The following SERPINI1 variants were observed in gnomAD, a reference collection of about 807,000 sequenced individuals.
SERPINI1 encodes neuroserpin.
In SERPINI1, 19 loss-of-function variants were observed where a neutral mutation model predicts 41.1. The ratio of observed to expected loss-of-function variants is 0.46; its 90% CI spans 0.32 to 0.68. SERPINI1 has a LOEUF of 0.68. SERPINI1 is among the 30% of genes least tolerant of loss of function. SERPINI1 has a pLI of 0.03. For synonymous variants in SERPINI1, 138 were observed against 156.6 expected (o/e 0.88, Z 0.89); for missense variants, 460 against 479.2 (o/e 0.96, Z 0.37).
chr3:167,780,779 C>T (rs963549960), intron 1 of SERPINI1, among the ~76,000 whole-genome samples: 2 of 152,182 alleles, frequency 1.3e-5, no homozygotes, highest in African/African-American at 2.4e-5. Context: ...TCTGCCATCA[C>T]AGTACAGTCC....
chr3:167,800,053 T>C (rs1727852488), intron 5 of SERPINI1: 1 of 152,094 alleles, frequency 6.6e-6, no homozygotes, highest in African/African-American at 2.4e-5. Context: ...TAACAGTAAG[T>C]TCTACAGAAA....
At chr3:167,796,369 A>G (rs1560011232) in intron 5 of SERPINI1, among the ~76,000 whole-genome samples, 1 of 151,816 alleles carries the variant, frequency 6.6e-6, no homozygotes, top group Non-Finnish European at 1.5e-5. Context: ...ATTTTATTTT[A>G]AGGTCTGGTA....
chr3:167,790,446 G>A lies in SERPINI1; in HGVS notation c.325G>A (p.Ala109Thr), dbSNP rs1727465744. The A allele has an allele frequency of 3.1e-6, 5 of 1,614,030 alleles. No homozygotes were observed. Among genetic ancestry groups the A allele is most frequent in the Non-Finnish European group, 4.2e-6 (5 of 1,179,918 alleles). Reference protein sequence around the residue: ...AKESQYVMKIANSLFVQNGFH... With the variant: ...AKESQYVMKITNSLFVQNGFH... ...AGAGAGCCAATATGTGATGAAAATT[G>A]CCAATTCCTTGTTTGTGCAAAATGG... Residue 109 changes from alanine to threonine, a missense_variant, in exon 3 of 9, where the codon GCC becomes ACC. By Grantham distance (58) the Ala-to-Thr change is moderately conservative (BLOSUM62 0). Transcript: ENST00000446050.
chr3:167,755,127 A>C (rs139893726), intron 1 of SERPINI1, among the ~76,000 whole-genome samples: 3 of 152,312 alleles, frequency 2.0e-5, no homozygotes, highest in African/African-American at 4.8e-5. Context: ...CATAGCTCTC[A>C]TTGTAAGCAT....
intron 1 of SERPINI1, among the ~76,000 whole-genome samples, chr3:167,752,359 CCT>C (rs1047346266): frequency 2.2e-4 from 34 of 152,270 alleles, no homozygotes; most frequent in African/African-American, 8.2e-4. Flanking sequence ...CTATCTCACC[CCT>C]CTCTGCTTTT....
intron 4 of SERPINI1, among the ~76,000 whole-genome samples, chr3:167,793,543 C>G (rs1459401093): frequency 6.7e-6 from 1 of 149,666 alleles, no homozygotes; most frequent in African/African-American, 2.5e-5. Flanking sequence ...TTCGGACTAG[C>G]TTGGGCAACA....
At chr3:167,740,179 A>G (rs754803830) in intron 1 of SERPINI1, among the ~76,000 whole-genome samples, 3 of 151,966 alleles carry the variant, frequency 2.0e-5, no homozygotes, top group Non-Finnish European at 4.4e-5. Flanking sequence ...ACTACAGGCA[A>G]GAACCACCAT....
At chr3:167,790,332 G>C in intron 2 of SERPINI1, 40 bp from the exon 3 acceptor site, 1 of 1,438,530 alleles carries the variant, frequency 7.0e-7, no homozygotes, top group South Asian at 1.2e-5. Context: ...ATTTCACCGT[G>C]TTTGTTCTAC....
intron 1 of SERPINI1, among the ~76,000 whole-genome samples, chr3:167,747,627 G>T (rs1254898173): frequency 6.6e-6 from 1 of 151,306 alleles, no homozygotes; most frequent in African/African-American, 2.4e-5. Flanking sequence ...CTGGGCGACA[G>T]AGCGAGACTA....
intron 1 of SERPINI1, among the ~76,000 whole-genome samples, chr3:167,744,837 T>TTA (rs1491552156): frequency 8.4e-6 from 1 of 118,780 alleles, no homozygotes; most frequent in Non-Finnish European, 1.7e-5. Flanking sequence ...AATATATATA[T>TTA]TATATATAAC....
intron 1 of SERPINI1, among the ~76,000 whole-genome samples, chr3:167,782,962 G>A (rs1036325329): frequency 1.3e-5 from 2 of 152,164 alleles, no homozygotes; most frequent in African/African-American, 2.4e-5. Context: ...GTTGTGCTGC[G>A]TCACAGTACA....
chr3:167,807,131 A>G (rs1285142268), intron 5 of SERPINI1, 113 bp from the exon 6 acceptor site: 1 of 761,696 alleles, frequency 1.3e-6, no homozygotes, highest in Non-Finnish European at 2.3e-6. Context: ...CAGTTTTAGC[A>G]TAATTTACTC....
chr3:167,793,596 A>ATATATATTTTT, intron 4 of SERPINI1, among the ~76,000 whole-genome samples: 1 of 140,610 alleles, frequency 7.1e-6, no homozygotes, highest in African/African-American at 2.7e-5. Flanking sequence ...ATATATATAT[A>ATATATATTTTT]TTTTTAATTA....
chr3:167,824,725 TAATGTTG>T (rs1487150016), intron 8 of SERPINI1, among the ~76,000 whole-genome samples, 163 bp downstream of exon 8: 1 of 152,170 alleles, frequency 6.6e-6, no homozygotes, highest in Non-Finnish European at 1.5e-5. Flanking sequence ...AGATAGTTTA[TAATGTTG>T]AAATGATTTT....
chr3:167,772,895 C>T (rs12491322), intron 1 of SERPINI1, among the ~76,000 whole-genome samples: 4,867 of 33,044 alleles, frequency 0.15, 126 homozygotes, highest in Admixed American at 0.17. Flanking sequence ...TATATATATA[C>T]ACACACACAC....
intron 1 of SERPINI1, among the ~76,000 whole-genome samples, chr3:167,766,969 C>G (rs1361911904): frequency 1.3e-5 from 2 of 152,216 alleles, no homozygotes. Flanking sequence ...TCCAGAAGAT[C>G]TAGCTAAGAT....
chr3:167,756,025 A>T (rs1310472144), intron 1 of SERPINI1, among the ~76,000 whole-genome samples: 1 of 151,956 alleles, frequency 6.6e-6, no homozygotes, highest in Non-Finnish European at 1.5e-5. Flanking sequence ...AGGCTAATTA[A>T]CCTGGTCACT....
intron 1 of SERPINI1, among the ~76,000 whole-genome samples, chr3:167,757,076 G>A (rs751263962): frequency 6.6e-6 from 1 of 152,178 alleles, no homozygotes; most frequent in Non-Finnish European, 1.5e-5. Flanking sequence ...TTAGGGAAAG[G>A]CACATTGAAC....
intron 1 of SERPINI1, among the ~76,000 whole-genome samples, chr3:167,748,422 T>A (rs1458232798): frequency 6.6e-6 from 1 of 152,170 alleles, no homozygotes; most frequent in Non-Finnish European, 1.5e-5. Context: ...TAATGCATAG[T>A]GAAGACTGAA....
Sources: gnomAD v4.1 joint callset for allele counts (sites outside exome capture counted in the v4.1 genomes callset) on GRCh38, gnomAD v4.1.1 for gene constraint, MANE v1.5 for transcripts, NCBI Gene and HGNC (gene_info 2026-07-23, HGNC 2026-07-21) for gene names.